Variants in NCAM1 observed in about 807,000 individuals in gnomAD.
The protein encoded by NCAM1 is neural cell adhesion molecule 1.
NCAM1 carries 14 observed loss-of-function variants against 109.8 expected under a neutral mutation model. The ratio of observed to expected loss-of-function variants is 0.13; its 90% CI spans 0.08 to 0.20. The LOEUF is 0.20. NCAM1 is among the 10% of genes least tolerant of loss of function. The pLI, the probability that NCAM1 is intolerant of heterozygous loss-of-function variation, is 1.00. For synonymous variants in NCAM1, 418 were observed against 442.9 expected, an observed-to-expected ratio of 0.94 and a Z score of 0.70; for missense variants, 774 against 1,109.9, an observed-to-expected ratio of 0.70 and a Z score of 4.30.
At chr11:113,169,699 C>T (rs1219024848) in intron 1 of NCAM1, among the ~76,000 whole-genome samples, 5 of 150,044 alleles carry the variant, frequency 3.3e-5, no homozygotes, top group African/African-American at 1.2e-4. Context: ...GCGATCTCGG[C>T]TCACTGCAAC....
intron 1 of NCAM1, among the ~76,000 whole-genome samples, chr11:112,975,468 T>C (rs1950982804): frequency 6.6e-6 from 1 of 152,056 alleles, no homozygotes; most frequent in African/African-American, 2.4e-5. Context: ...CTTGTAATAT[T>C]TATGCCTGTG....
intron 1 of NCAM1, among the ~76,000 whole-genome samples, chr11:113,168,614 C>G (rs568660692): frequency 5.7e-4 from 87 of 152,314 alleles, no homozygotes; most frequent in African/African-American, 2.1e-3. Flanking sequence ...TCTTCCACTT[C>G]TGTTTGAGAT....
intron 1 of NCAM1, among the ~76,000 whole-genome samples, chr11:113,099,207 G>C (rs1939748029): frequency 6.6e-6 from 1 of 152,166 alleles, no homozygotes; most frequent in Admixed American, 6.6e-5. Flanking sequence ...TGGTTGAGGA[G>C]TCCATGATTT....
At chr11:113,229,794 G>T (rs1402325270) in intron 9 of NCAM1, among the ~76,000 whole-genome samples, 1 of 152,176 alleles carries the variant, frequency 6.6e-6, no homozygotes, top group Non-Finnish European at 1.5e-5. Flanking sequence ...GGACATGGAT[G>T]AAGCTGGAAA....
intron 8 of NCAM1, among the ~76,000 whole-genome samples, chr11:113,218,866 A>G (rs549039511): frequency 6.6e-6 from 1 of 152,224 alleles, no homozygotes; most frequent in African/African-American, 2.4e-5. Flanking sequence ...GATCATCTGT[A>G]TGAAAGTCAT....
intron 17 of NCAM1, 197 bp from the exon 18 acceptor site, chr11:113,269,991 C>T (rs953185476): frequency 8.3e-6 from 5 of 604,582 alleles, no homozygotes; most frequent in Admixed American, 2.9e-5. Context: ...GTTGTCATCC[C>T]TCCCTCTGGA....
At chr11:113,073,847 A>C (rs1484672612) in intron 1 of NCAM1, among the ~76,000 whole-genome samples, 1 of 152,222 alleles carries the variant, frequency 6.6e-6, no homozygotes, top group African/African-American at 2.4e-5. Flanking sequence ...CTGTGCAAAG[A>C]AAGTTGCAGA....
intron 1 of NCAM1, among the ~76,000 whole-genome samples, chr11:112,999,690 G>A (rs570368111): frequency 3.9e-5 from 6 of 152,150 alleles, no homozygotes; most frequent in African/African-American, 1.4e-4. Context: ...AGAAAATTGT[G>A]TAATAAATCA....
At chr11:113,137,327 G>T (rs1460401946) in intron 1 of NCAM1, among the ~76,000 whole-genome samples, 3 of 152,188 alleles carry the variant, frequency 2.0e-5, no homozygotes, top group African/African-American at 7.2e-5. Context: ...TTATAGACCT[G>T]GTAGTAAGTT....
chr11:113,178,097 G>T (rs902162741), intron 1 of NCAM1, among the ~76,000 whole-genome samples: 3 of 152,198 alleles, frequency 2.0e-5, no homozygotes, highest in Non-Finnish European at 4.4e-5. Flanking sequence ...CCATACAGAT[G>T]AAATAAATGC....
At chr11:112,970,310 A>G (rs556245937) in intron 1 of NCAM1, among the ~76,000 whole-genome samples, 3 of 152,232 alleles carry the variant, frequency 2.0e-5, no homozygotes, top group Admixed American at 6.5e-5. Context: ...GAACAAATTC[A>G]TATAGTTCAT....
chr11:113,158,232 A>G (rs150758287), intron 1 of NCAM1, among the ~76,000 whole-genome samples: 1 of 152,306 alleles, frequency 6.6e-6, no homozygotes, highest in East Asian at 1.9e-4. Flanking sequence ...CTTGAATTTT[A>G]TTGTTAGCCA....
intron 18 of NCAM1, 122 bp from the exon 19 acceptor site, chr11:113,271,638 A>G (rs1555125357): frequency 6.3e-6 from 4 of 638,682 alleles, no homozygotes; most frequent in Non-Finnish European, 2.7e-6. Flanking sequence ...AGACTTATAC[A>G]TTTGAATCTG....
intron 1 of NCAM1, among the ~76,000 whole-genome samples, chr11:112,978,405 T>G (rs1951065027): frequency 6.6e-6 from 1 of 151,874 alleles, no homozygotes; most frequent in Non-Finnish European, 1.5e-5. Context: ...TTTGACATTA[T>G]TTTAGTAATA....
intron 1 of NCAM1, among the ~76,000 whole-genome samples, chr11:113,097,339 T>C (rs1555090619): frequency 6.6e-6 from 1 of 152,234 alleles, no homozygotes; most frequent in African/African-American, 2.4e-5. Context: ...TGATAACTCA[T>C]TTAAGGGTAG....
At chr11:113,240,886 C>T (rs1945304005) in intron 14 of NCAM1, 2 of 1,555,476 alleles carry the variant, frequency 1.3e-6, no homozygotes, top group Non-Finnish European at 8.9e-7. Flanking sequence ...CCACCAGCCA[C>T]AGTTTGTTTT....
chr11:113,221,304 G>A lies in NCAM1; in HGVS notation c.1068G>A (p.Trp356Ter). 6.4e-7 allele frequency: 1 copy of A among 1,565,658 alleles called. No homozygotes were observed. The highest frequency in any genetic ancestry group is 8.7e-7 in the Non-Finnish European group (1 of 1,153,010). Reference sequence around the variant, plus strand: ...TATCTTGTTTTCTCCAGGCTTCGTGGACTCGACCAGAGAAGCAAGAGGTAT... The same window carrying A: ...TATCTTGTTTTCTCCAGGCTTCGTGAACTCGACCAGAGAAGCAAGAGGTAT... ...RNISSEEKAS[W>*]TRPEKQETLD... Residue 356 changes from tryptophan (W) to a stop codon, truncating the protein, a stop_gained, in exon 9 of 20, where the codon TGG becomes TGA. Coordinates refer to ENST00000316851, the MANE Select transcript of NCAM1 (RefSeq NM_181351.5). LOFTEE classifies it high-confidence loss of function.
In NCAM1 at chr11:113,202,409, A is replaced by C. The variant is rs782322515; in HGVS notation, c.83A>C (p.Gln28Pro). 6.2e-7 allele frequency: 1 copy of C among 1,613,302 alleles called. No individual in the cohort carries two copies. Among genetic ancestry groups the C allele is most frequent in the South Asian group, 1.1e-5 (1 of 90,906 alleles). ...VSLQVDIVPSQGEISVGESKF... is the reference protein window; with the variant it reads ...VSLQVDIVPSPGEISVGESKF... The stretch of plus-strand genomic sequence containing the variant: ...CTGCAGGTGGATATTGTTCCCAGCC[A>C]GGGGGAGATCAGCGTTGGAGAGTCC... The change falls in exon 2 of 20, where the codon CAG (glutamine) becomes CCG (proline). Residue 28 changes from glutamine (Q) to proline (P), a missense_variant. This residue lies in a region of NCAM1 where 112 missense variants were observed against 142.0 expected (regional missense o/e 0.79). Transcript: ENST00000316851.
At chr11:113,053,977 A>G (rs1175998383) in intron 1 of NCAM1, among the ~76,000 whole-genome samples, 1 of 152,188 alleles carries the variant, frequency 6.6e-6, no homozygotes, top group Non-Finnish European at 1.5e-5. Flanking sequence ...CGTCTCTGCC[A>G]TGCTGTGTTC....
Sources: gnomAD v4.1 joint callset for allele counts (sites outside exome capture counted in the v4.1 genomes callset) on GRCh38, gnomAD v4.1.1 for gene constraint, gnomAD v4.1.1 regional missense constraint, MANE v1.5 for transcripts, NCBI Gene and HGNC (gene_info 2026-07-23, HGNC 2026-07-21) for gene names.